Variants in PCDHA4 observed in about 807,000 individuals in gnomAD.
The protein encoded by PCDHA4 is protocadherin alpha-4.
Under a neutral mutation model 61.4 loss-of-function variants are expected in PCDHA4, and 49 were observed. That is an observed-to-expected ratio of 0.80 (90% CI 0.63 to 1.01). PCDHA4 has a LOEUF of 1.01. Ranked by LOEUF, PCDHA4 falls within the 50% of genes least tolerant of loss-of-function variation. The pLI, the probability that PCDHA4 is intolerant of heterozygous loss-of-function variation, is 0.00. For synonymous variants in PCDHA4, 590 were observed against 550.3 expected, an observed-to-expected ratio of 1.07 and a Z score of -1.01; for missense variants, 1,254 against 1,235.8, an observed-to-expected ratio of 1.01 and a Z score of -0.22.
chr5:140,915,684 G>T (rs576904848), intron 1 of PCDHA4, among the ~76,000 whole-genome samples: 5 of 151,572 alleles, frequency 3.3e-5, no homozygotes, highest in South Asian at 4.2e-4. Context: ...TGAACTAGGG[G>T]TATGGTGATG....
At position 141,010,166 on chromosome 5, in the gene PCDHA4, A is replaced by T; in HGVS notation, c.*229A>T. 1 of 1,562,828 alleles carries T rather than the reference A, an allele frequency of 6.4e-7. No individual in the cohort carries two copies. On this transcript the variant is annotated 3_prime_UTR_variant, in exon 4 of 4. Coordinates refer to ENST00000530339, the MANE Select transcript of PCDHA4 (RefSeq NM_018907.4). ...TCTCTCCACTCTGGCTTGTTTTCAG[A>T]ACCTAAAAAGCAGACCCAAGTTTCC... is the stretch of plus-strand genomic sequence containing the variant.
intron 3 of PCDHA4, among the ~76,000 whole-genome samples, chr5:140,983,533 G>A (rs1195364351): frequency 6.6e-6 from 1 of 152,208 alleles, no homozygotes; most frequent in Non-Finnish European, 1.5e-5. Flanking sequence ...TACATTGTAT[G>A]TGTGGTCTCA....
chr5:140,836,723 A>G (rs1318584018), intron 1 of PCDHA4: 35 of 1,612,196 alleles, frequency 2.2e-5, no homozygotes, highest in Non-Finnish European at 2.9e-5. Flanking sequence ...CTCAGGGTCC[A>G]TCCTCTACAG....
intron 1 of PCDHA4, among the ~76,000 whole-genome samples, chr5:140,881,901 T>C (rs1455904146): frequency 6.6e-6 from 1 of 152,208 alleles, no homozygotes; most frequent in Non-Finnish European, 1.5e-5. Context: ...TGTCAGCTAA[T>C]ATAAAATGTT....
chr5:140,981,699 T>A (rs1162840326), intron 2 of PCDHA4, among the ~76,000 whole-genome samples: 1 of 151,316 alleles, frequency 6.6e-6, no homozygotes, highest in Non-Finnish European at 1.5e-5. Context: ...CATTCATTCA[T>A]TCATTCATTC....
At chr5:140,850,162 T>C in intron 1 of PCDHA4, 2 of 1,595,026 alleles carry the variant, frequency 1.3e-6, no homozygotes, top group Non-Finnish European at 1.7e-6. Context: ...GTGTTCGTGC[T>C]GGACGAGAAC....
intron 1 of PCDHA4, chr5:140,850,644 C>G: frequency 6.3e-7 from 1 of 1,598,664 alleles, no homozygotes; most frequent in Non-Finnish European, 8.6e-7. Flanking sequence ...CACGCTGCTG[C>G]TGTACACTGT....
chr5:140,837,632 CCTTT>C (rs140175664), intron 1 of PCDHA4, among the ~76,000 whole-genome samples: 9,222 of 151,164 alleles, frequency 0.061, 992 homozygotes, highest in African/African-American at 0.21. Context: ...TTCCTTCCTT[CCTTT>C]CTTTCTTTCT....
rs1437850359 is a variant in PCDHA4, at chr5:140,822,152, A to G, written c.2385+12580A>G. The G allele has an allele frequency of 1.7e-5, 27 of 1,614,268 alleles. 1 individual carries two copies. Among genetic ancestry groups the G allele is most frequent in the Admixed American group, 3.3e-5 (2 of 60,028 alleles). ...GTGGAGGTGGCAGTGAAGGACATCA[A>G]TGACAATCCGCCCAGGTTCTCCAGA... On this transcript the variant is annotated intron_variant, in intron 1 of 3. Coordinates refer to ENST00000530339, the MANE Select transcript of PCDHA4 (RefSeq NM_018907.4).
At chr5:140,841,400 G>C (rs1777194245) in intron 1 of PCDHA4, 1 of 1,613,096 alleles carries the variant, frequency 6.2e-7, no homozygotes, top group Admixed American at 1.7e-5. Context: ...CTGGAAGGTG[G>C]GGAGCGGCCA....
intron 1 of PCDHA4, chr5:140,809,788 A>G (rs1031219834): frequency 2.1e-6 from 1 of 478,810 alleles, no homozygotes; most frequent in Non-Finnish European, 3.6e-6. Context: ...ATATTAACAG[A>G]ACTGTAATTT....
chr5:140,832,356 T>A (rs1012512842), intron 1 of PCDHA4, among the ~76,000 whole-genome samples: 1 of 152,250 alleles, frequency 6.6e-6, no homozygotes, highest in East Asian at 1.9e-4. Flanking sequence ...TGTTTCCTAA[T>A]GTGAGCATTT....
chr5:140,911,381 G>A (rs2075444647), intron 1 of PCDHA4, among the ~76,000 whole-genome samples: 1 of 152,116 alleles, frequency 6.6e-6, no homozygotes, highest in African/African-American at 2.4e-5. Context: ...GGCTGTGCAT[G>A]CACCTTTCAT....
At chr5:140,958,810 G>T (rs2095443726) in intron 1 of PCDHA4, among the ~76,000 whole-genome samples, 1 of 151,988 alleles carries the variant, frequency 6.6e-6, no homozygotes, top group Non-Finnish European at 1.5e-5. Context: ...ACACCATTCT[G>T]TTTTAATTTT....
chr5:140,850,772 C>A lies in PCDHA4; in HGVS notation c.2385+41200C>A, dbSNP rs2041813098. 4.4e-6 allele frequency: 7 copies of A among 1,598,004 alleles called. 1 individual carries two copies. Among genetic ancestry groups the A allele is most frequent in the Non-Finnish European group, 6.0e-6 (7 of 1,167,724 alleles). Reference sequence around the variant, plus strand: ...CGCAGCAGAGGAGGCAGAGGGTGTGCTCTGGCGAGGGTAAGCAGAAGACCG... The same window carrying A: ...CGCAGCAGAGGAGGCAGAGGGTGTGATCTGGCGAGGGTAAGCAGAAGACCG... On this transcript the variant is annotated intron_variant, in intron 1 of 3. Transcript: ENST00000530339.
chr5:140,836,466 G>A (rs1554135989), intron 1 of PCDHA4: 1 of 1,613,862 alleles, frequency 6.2e-7, no homozygotes, highest in Non-Finnish European at 8.5e-7. Flanking sequence ...CGAGCTGGTG[G>A]ATGTCAACGT....
chr5:140,808,895 G>T lies in PCDHA4; in HGVS notation c.1708G>T (p.Ala570Ser). 1 of 1,613,490 alleles carries T rather than the reference G, an allele frequency of 6.2e-7. No individual in the cohort carries two copies. The highest frequency in any genetic ancestry group is 1.1e-5 in the South Asian group (1 of 91,064). The change falls in exon 1 of 4, where the codon GCG becomes TCG. Residue 570 changes from alanine to serine, a missense_variant. By Grantham distance (99) the Ala-to-Ser change is moderately conservative. Coordinates refer to ENST00000530339, the MANE Select transcript of PCDHA4 (RefSeq NM_018907.4). Reference sequence around the variant, plus strand: ...CGCGCCAGCACTGCTAGCGCCTCGGGCGGGTGGCACTGGTGGCGCAGTGAG... The same window carrying T: ...CGCGCCAGCACTGCTAGCGCCTCGGTCGGGTGGCACTGGTGGCGCAGTGAG... Reference protein sequence around the residue: ...DNAPALLAPRAGGTGGAVSEL... With the variant: ...DNAPALLAPRSGGTGGAVSEL...
chr5:140,829,557 T>C lies in PCDHA4; in HGVS notation c.2385+19985T>C, dbSNP rs138069346. On this transcript the variant is annotated intron_variant, in intron 1 of 3. Coordinates refer to ENST00000530339, the MANE Select transcript of PCDHA4 (RefSeq NM_018907.4). ...GACGCGGACGCGCAGGAGAACGCGC[T>C]GGTGTCCTACTCGCTGGTGGAGCGG... 4.3e-5 allele frequency: 70 copies of C among 1,612,672 alleles called. No homozygotes were observed. The highest frequency in any genetic ancestry group is 1.3e-4 in the Admixed American group (8 of 59,988).
chr5:140,934,995 T>G (rs1443676222), intron 1 of PCDHA4, among the ~76,000 whole-genome samples: 1 of 152,172 alleles, frequency 6.6e-6, no homozygotes, highest in East Asian at 1.9e-4. Context: ...ACACCCTGAA[T>G]CCTTTTCATG....
Sources: gnomAD v4.1 joint callset for allele counts (sites outside exome capture counted in the v4.1 genomes callset) on GRCh38, gnomAD v4.1.1 for gene constraint, MANE v1.5 for transcripts, NCBI Gene and HGNC (gene_info 2026-07-23, HGNC 2026-07-21) for gene names.